KLF12: variants seen among roughly 807,000 people sequenced by gnomAD.
KLF12 encodes KLF transcription factor 12.
Under a neutral mutation model 37.8 loss-of-function variants are expected in KLF12, and 9 were observed. The ratio of observed to expected loss-of-function variants is 0.24; its 90% CI spans 0.14 to 0.42. The LOEUF is 0.42. Among genes scored for constraint, KLF12 ranks in the 10% least tolerant of loss-of-function variants. The probability of loss-of-function intolerance (pLI) is 1.00; values close to 1 mark genes in which losing one functional copy is unlikely to be tolerated. For synonymous variants in KLF12, 208 were observed against 202.1 expected, an observed-to-expected ratio of 1.03 and a Z score of -0.25; for missense variants, 411 against 516.0, an observed-to-expected ratio of 0.80 and a Z score of 1.97.
chr13:73,878,879 G>A (rs915949893), intron 3 of KLF12, among the ~76,000 whole-genome samples: 2 of 152,118 alleles, frequency 1.3e-5, no homozygotes, highest in African/African-American at 2.4e-5. Context: ...CAGGAAACAT[G>A]GGAGGAGCTA....
intron 3 of KLF12, among the ~76,000 whole-genome samples, chr13:73,928,763 C>G (rs967330756): frequency 6.6e-6 from 1 of 152,170 alleles, no homozygotes; most frequent in Non-Finnish European, 1.5e-5. Context: ...CAACGTTAAA[C>G]GTAGCTGATT....
At chr13:74,225,802 T>C in the KLF12 span, among the ~76,000 whole-genome samples, 1 of 152,128 alleles carries the variant, frequency 6.6e-6, no homozygotes, top group African/African-American at 2.4e-5. Flanking sequence ...GAAAAAGTGA[T>C]TTTTTCATAT....
At chr13:74,107,756 G>GA (rs1876734286) in intron 1 of KLF12, among the ~76,000 whole-genome samples, 1 of 152,164 alleles carries the variant, frequency 6.6e-6, no homozygotes, top group African/African-American at 2.4e-5. Flanking sequence ...CCCTATCCTG[G>GA]AAAAAATGTG....
intron 4 of KLF12, among the ~76,000 whole-genome samples, chr13:73,825,160 G>A (rs1883766810): frequency 6.6e-6 from 1 of 151,586 alleles, no homozygotes; most frequent in Non-Finnish European, 1.5e-5. Context: ...CCCTTCTCCT[G>A]CCCCTGTTAT....
At chr13:73,943,018 CT>C (rs1890257964) in intron 3 of KLF12, among the ~76,000 whole-genome samples, 1 of 152,144 alleles carries the variant, frequency 6.6e-6, no homozygotes, top group African/African-American at 2.4e-5. Flanking sequence ...TATCCTAACC[CT>C]TTGAGTGGGA....
intron 5 of KLF12, among the ~76,000 whole-genome samples, chr13:73,774,429 C>T (rs976506126): frequency 2.0e-5 from 3 of 151,910 alleles, no homozygotes; most frequent in Admixed American, 2.0e-4. Context: ...GTTCTTTGGA[C>T]CTGCATCGGC....
chr13:73,765,060 A>G, intron 5 of KLF12, 60 bp from the exon 6 acceptor site: 2 of 964,760 alleles, frequency 2.1e-6, no homozygotes, highest in Non-Finnish European at 1.6e-6. Context: ...TGCAAATTTA[A>G]AAAAATGGCA....
At chr13:74,016,222 C>G (rs537387763) in intron 1 of KLF12, among the ~76,000 whole-genome samples, 1 of 151,894 alleles carries the variant, frequency 6.6e-6, no homozygotes, top group Non-Finnish European at 1.5e-5. Context: ...CATTTACATG[C>G]GAAAGATATT....
chr13:74,286,038 C>T, the KLF12 span, among the ~76,000 whole-genome samples: 1 of 152,152 alleles, frequency 6.6e-6, no homozygotes, highest in Middle Eastern at 3.2e-3. Context: ...ACTACCCTCT[C>T]CCCAACCACT....
Position 74,111,314 on chromosome 13 carries a change from C to T in KLF12, c.-32+22425G>A, listed in dbSNP as rs1185717361. On this transcript the variant is annotated intron_variant, in intron 1 of 7. Coordinates refer to ENST00000377669, the MANE Select transcript of KLF12 (RefSeq NM_007249.5). ...CTGTAGCCTGAAAGAAAATTTGAAT[C>T]ATAAGACAACTTTTGAAATATTCTT... 2.0e-5 allele frequency among the ~76,000 whole-genome samples: 3 copies of T among 152,012 alleles called. No homozygotes were observed. In the East Asian group the frequency reaches 5.8e-4, roughly 29 times the overall value.
chr13:74,180,547 A>G, the KLF12 span, among the ~76,000 whole-genome samples: 1 of 152,230 alleles, frequency 6.6e-6, no homozygotes. Context: ...ATCATGGCAT[A>G]TGTAAGATGA....
At chr13:74,139,448 C>G in the KLF12 span, among the ~76,000 whole-genome samples, 8 of 152,126 alleles carry the variant, frequency 5.3e-5, no homozygotes, top group Admixed American at 2.0e-4. Context: ...TAGCAGAAAA[C>G]TTGAGTTTCC....
At chr13:73,943,401 GTCCTTGTATTT>G (rs1486045007) in intron 3 of KLF12, among the ~76,000 whole-genome samples, 3 of 152,154 alleles carry the variant, frequency 2.0e-5, no homozygotes, top group African/African-American at 7.2e-5. Context: ...TGCACTCATA[GTCCTTGTATTT>G]TCAGTACCCA....
intron 2 of KLF12, among the ~76,000 whole-genome samples, chr13:73,969,414 T>C (rs1256729931): frequency 6.6e-6 from 1 of 152,244 alleles, no homozygotes; most frequent in Non-Finnish European, 1.5e-5. Context: ...TATTCTCTAC[T>C]GCCTTCAACA....
intron 6 of KLF12, 21 bp from the exon 7 acceptor site, chr13:73,715,546 G>GT: frequency 6.2e-7 from 1 of 1,611,174 alleles, no homozygotes. Flanking sequence ...AAAAAGTGGA[G>GT]TTACACGGTG....
intron 1 of KLF12, among the ~76,000 whole-genome samples, chr13:74,051,529 G>A (rs754152814): frequency 6.6e-6 from 1 of 152,104 alleles, no homozygotes; most frequent in Non-Finnish European, 1.5e-5. Flanking sequence ...AAAGTAAAAT[G>A]AGTGAAACAG....
At position 73,696,896 on chromosome 13, in the gene KLF12, T is replaced by C. The variant is rs1593968312; in HGVS notation, c.1028-1225A>G. On this transcript the variant is annotated intron_variant, in intron 7 of 7. Transcript: ENST00000377669. ...AGAGTTAGTGTCACTTTCTTAGGTA[T>C]GACCAAATTATTCACTTCCTATTTC... Among the ~76,000 whole-genome samples the C allele has an allele frequency of 2.6e-5, 4 of 152,346 alleles. No individual in the cohort carries two copies. The East Asian group carries it at 7.7e-4, about 29-fold the overall frequency.
the KLF12 span, among the ~76,000 whole-genome samples, chr13:74,287,395 A>AGAGAGAGAGAGAGAGAG: frequency 3.4e-3 from 501 of 147,000 alleles, no homozygotes; most frequent in African/African-American, 4.9e-3. Context: ...AGAGAGAGAG[A>AGAGAGAGAGAGAGAGAG]ATCCACCTCT....
chr13:73,700,756 G>A (rs902019312), intron 7 of KLF12, among the ~76,000 whole-genome samples: 1 of 151,848 alleles, frequency 6.6e-6, no homozygotes, highest in African/African-American at 2.4e-5. Flanking sequence ...AACAAAACAG[G>A]AAAGAAAGTC....
Sources: gnomAD v4.1 joint callset for allele counts (sites outside exome capture counted in the v4.1 genomes callset) on GRCh38, gnomAD v4.1.1 for gene constraint, MANE v1.5 for transcripts, NCBI Gene and HGNC (gene_info 2026-07-23, HGNC 2026-07-21) for gene names.